Variants in ZFAT observed in about 807,000 individuals in gnomAD.
ZFAT encodes zinc finger and AT-hook domain containing.
A neutral mutation model predicts 117.7 loss-of-function variants in ZFAT; 64 were observed. The ratio of observed to expected loss-of-function variants is 0.54; its 90% CI spans 0.44 to 0.67. ZFAT has a LOEUF of 0.67. Among genes scored for constraint, ZFAT ranks in the 30% least tolerant of loss-of-function variants. The probability of loss-of-function intolerance (pLI) is 0.00; values close to 1 mark genes in which losing one functional copy is unlikely to be tolerated. For missense variants in ZFAT, 1,433 were observed against 1,584.5 expected (o/e 0.90, Z 1.62); for synonymous variants, 679 against 615.0 (o/e 1.10, Z -1.54).
rs552355221 is a variant in ZFAT at position 134,659,185 on chromosome 8, T to C, written c.20-1448A>G. On this transcript the variant is annotated intron_variant, in intron 1 of 15. Coordinates refer to ENST00000377838, the MANE Select transcript of ZFAT (RefSeq NM_020863.4). ...CTGGTGATGGTGAGCAAGTATCTCA[T>C]CCTCCTCGCTCCTCACTCTCAACAG... is the stretch of plus-strand genomic sequence containing the variant. Among the ~76,000 whole-genome samples, 7 of 152,326 alleles carry C rather than the reference T, an allele frequency of 4.6e-5. No homozygotes were observed. In the South Asian group the frequency reaches 1.2e-3, roughly 27 times the overall value.
the ZFAT span, among the ~76,000 whole-genome samples, chr8:134,748,498 T>C: frequency 2.0e-5 from 3 of 152,238 alleles, no homozygotes; most frequent in African/African-American, 7.2e-5. Context: ...TACCATATCA[T>C]GGGCATTTTG....
intron 5 of ZFAT, among the ~76,000 whole-genome samples, chr8:134,606,330 T>C (rs1010118989): frequency 1.3e-5 from 2 of 152,262 alleles, no homozygotes; most frequent in Non-Finnish European, 2.9e-5. Context: ...GATAACACTA[T>C]ATCCTCATGA....
chr8:134,653,093 A>G (rs774891007), intron 2 of ZFAT, among the ~76,000 whole-genome samples: 17 of 151,606 alleles, frequency 1.1e-4, no homozygotes, highest in Non-Finnish European at 2.1e-4. Context: ...ATTAGGACAT[A>G]CAAATAATAC....
At chr8:134,753,151 T>C in the ZFAT span, among the ~76,000 whole-genome samples, 1 of 152,002 alleles carries the variant, frequency 6.6e-6, no homozygotes, top group African/African-American at 2.4e-5. Flanking sequence ...CAATGAGGTG[T>C]GATCGCACCA....
At chr8:134,718,871 G>A in the ZFAT span, among the ~76,000 whole-genome samples, 1 of 152,220 alleles carries the variant, frequency 6.6e-6, no homozygotes, top group Non-Finnish European at 1.5e-5. Flanking sequence ...CACGACTAGA[G>A]GGCTGGTTAA....
rs1384673450 is a variant in ZFAT at position 134,602,070 on chromosome 8, T to C, written c.1649A>G (p.Glu550Gly). 6.2e-7 allele frequency: 1 copy of C among 1,610,838 alleles called. No individual in the cohort carries two copies. The highest frequency in any genetic ancestry group is 8.5e-7 in the Non-Finnish European group (1 of 1,179,086). The change falls in exon 6 of 16, where the codon GAG becomes GGG. Residue 550 changes from glutamate to glycine, a missense_variant. Transcript: ENST00000377838. Reference sequence around the variant, plus strand: ...TGGGGCAGGCATTTCCCCAGGGGCCTCCGGCTCCTTCCGGCCCTCCTCCAG... The same window carrying C: ...TGGGGCAGGCATTTCCCCAGGGGCCCCCGGCTCCTTCCGGCCCTCCTCCAG... Reference protein sequence around the residue: ...TQLEEGRKEPEAPGEMPAPAV... With the variant: ...TQLEEGRKEPGAPGEMPAPAV...
intron 3 of ZFAT, among the ~76,000 whole-genome samples, chr8:134,620,921 C>A (rs1234940899): frequency 6.6e-6 from 1 of 152,186 alleles, no homozygotes; most frequent in East Asian, 1.9e-4. Flanking sequence ...AGGTCAAACT[C>A]CAAGTCCTCT....
chr8:134,524,948 C>T (rs992616126), intron 12 of ZFAT, among the ~76,000 whole-genome samples: 17 of 152,182 alleles, frequency 1.1e-4, no homozygotes, highest in Non-Finnish European at 2.2e-4. Context: ...TTCACAACAG[C>T]GCAATGACAC....
intron 3 of ZFAT, among the ~76,000 whole-genome samples, chr8:134,615,152 T>C (rs1270824782): frequency 1.3e-5 from 2 of 152,138 alleles, no homozygotes; most frequent in Admixed American, 6.5e-5. Flanking sequence ...TTGTATCCCA[T>C]GGCCCAAACG....
intron 15 of ZFAT, among the ~76,000 whole-genome samples, chr8:134,493,735 G>T (rs1458725445): frequency 1.3e-5 from 2 of 152,134 alleles, no homozygotes; most frequent in Non-Finnish European, 2.9e-5. Context: ...ACGGTCTGCT[G>T]CCCCCTTCCC....
At chr8:134,819,575 C>T in the ZFAT span, among the ~76,000 whole-genome samples, 1 of 140,968 alleles carries the variant, frequency 7.1e-6, no homozygotes, top group Non-Finnish European at 1.5e-5. Context: ...ACATTTGCTC[C>T]CGCTCCTCCA....
chr8:134,810,395 C>T, the ZFAT span, among the ~76,000 whole-genome samples: 16 of 152,280 alleles, frequency 1.1e-4, no homozygotes, highest in Non-Finnish European at 2.1e-4. Flanking sequence ...TCTTATTATG[C>T]ACCTAATTTC....
chr8:134,750,247 G>A, the ZFAT span, among the ~76,000 whole-genome samples: 12 of 151,086 alleles, frequency 7.9e-5, no homozygotes, highest in African/African-American at 2.7e-4. Flanking sequence ...ATTATATTAC[G>A]ATTGGTATCT....
the ZFAT span, among the ~76,000 whole-genome samples, chr8:134,774,277 G>A: frequency 7.2e-5 from 11 of 152,142 alleles, no homozygotes; most frequent in South Asian, 2.1e-4. Flanking sequence ...GATTACAGGC[G>A]TGAGACACTA....
intron 15 of ZFAT, among the ~76,000 whole-genome samples, chr8:134,509,375 GGA>G (rs1296865996): frequency 6.6e-6 from 1 of 152,092 alleles, no homozygotes; most frequent in African/African-American, 2.4e-5. Context: ...GAAAATGAAT[GGA>G]GAGTTTCCAG....
intron 1 of ZFAT, among the ~76,000 whole-genome samples, chr8:134,692,068 C>T (rs1483141030): frequency 6.6e-6 from 1 of 152,138 alleles, no homozygotes; most frequent in Non-Finnish European, 1.5e-5. Flanking sequence ...GTTGGTCAGG[C>T]TGGTCTCGAA....
chr8:134,712,450 G>C (rs1259785140), intron 1 of ZFAT, among the ~76,000 whole-genome samples: 2 of 152,002 alleles, frequency 1.3e-5, no homozygotes, highest in African/African-American at 4.8e-5. Flanking sequence ...ATTTCGCCAA[G>C]GAGGAATCCG....
At chr8:134,528,294 G>A (rs1177892105) in intron 12 of ZFAT, among the ~76,000 whole-genome samples, 1 of 152,194 alleles carries the variant, frequency 6.6e-6, no homozygotes, top group African/African-American at 2.4e-5. Flanking sequence ...AGCTCACAGG[G>A]CCATTGTGAG....
intron 12 of ZFAT, among the ~76,000 whole-genome samples, chr8:134,528,090 C>G (rs1821149240): frequency 6.6e-6 from 1 of 152,230 alleles, no homozygotes; most frequent in Non-Finnish European, 1.5e-5. Flanking sequence ...TTCTCCTCCT[C>G]TTTCTCCTCC....
Sources: gnomAD v4.1 joint callset for allele counts (sites outside exome capture counted in the v4.1 genomes callset) on GRCh38, gnomAD v4.1.1 for gene constraint, MANE v1.5 for transcripts, NCBI Gene and HGNC (gene_info 2026-07-23, HGNC 2026-07-21) for gene names.